The following SORBS2 variants were observed in gnomAD, a reference collection of about 807,000 sequenced individuals.
SORBS2 encodes sorbin and SH3 domain containing 2.
In SORBS2, 46 loss-of-function variants were observed where a neutral mutation model predicts 97.7. The ratio of observed to expected loss-of-function variants is 0.47; its 90% CI spans 0.37 to 0.60. The LOEUF is 0.60. Ranked by LOEUF, SORBS2 falls within the 20% of genes least tolerant of loss-of-function variation. SORBS2 has a pLI of 0.00. For missense variants in SORBS2, 1,316 were observed against 1,282.3 expected (o/e 1.03, Z -0.40); for synonymous variants, 476 against 473.4 (o/e 1.01, Z -0.07).
chr4:185,623,768 G>A lies in SORBS2; in HGVS notation c.1361C>T (p.Ser454Phe), dbSNP rs79568390. Reference sequence around the variant, plus strand: ...TTCTTCCTCCAGCAAATACTCAATGGAAAACCGCCTCTTGGGACATAGGCC... The same window carrying A: ...TTCTTCCTCCAGCAAATACTCAATGAAAAACCGCCTCTTGGGACATAGGCC... The change falls in exon 7 of 15, where the codon TCC becomes TTC. Residue 454 changes from serine (S) to phenylalanine (F), a missense_variant. By Grantham distance (155) the Ser-to-Phe change is radical. Coordinates refer to ENST00000418609, the Ensembl canonical transcript of SORBS2. The surrounding 1 kb of genome is among the most constrained non-coding windows in gnomAD (Gnocchi z 6.4). 4 of 1,614,188 alleles carry A rather than the reference G, an allele frequency of 2.5e-6. No individual in the cohort carries two copies. The highest frequency in any genetic ancestry group is 3.4e-6 in the Non-Finnish European group (4 of 1,180,040).
chr4:185,820,985 C>T (rs2099196461), intron 1 of SORBS2, among the ~76,000 whole-genome samples: 1 of 152,146 alleles, frequency 6.6e-6, no homozygotes, highest in Admixed American at 6.5e-5. Context: ...TGATTCAATC[C>T]GACAAACATT....
At chr4:185,665,937 G>C in intron 4 of SORBS2, 7 of 1,227,636 alleles carry the variant, frequency 5.7e-6, no homozygotes, top group Non-Finnish European at 7.3e-6. Context: ...CTGTGTCGTG[G>C]CTGTGGATGA....
intron 1 of SORBS2, among the ~76,000 whole-genome samples, chr4:185,655,090 C>T (rs553888977): frequency 8.5e-5 from 13 of 152,214 alleles, no homozygotes; most frequent in East Asian, 7.7e-4. Context: ...TGAGCCCTGG[C>T]GATTTTTGTT....
intron 1 of SORBS2, among the ~76,000 whole-genome samples, chr4:185,899,791 G>A (rs1036339975): frequency 9.2e-5 from 14 of 152,174 alleles, no homozygotes; most frequent in African/African-American, 2.2e-4. Context: ...TTCAGGCTTC[G>A]CACGTTCTTT....
At chr4:185,833,914 C>T (rs1293819408) in intron 1 of SORBS2, among the ~76,000 whole-genome samples, 1 of 152,150 alleles carries the variant, frequency 6.6e-6, no homozygotes, top group Non-Finnish European at 1.5e-5. Context: ...CCTCATTGGA[C>T]TGACAGCTCC....
At chr4:185,592,686 G>C (rs1409415329) in intron 13 of SORBS2, 1 of 153,124 alleles carries the variant, frequency 6.5e-6, no homozygotes, top group Admixed American at 6.5e-5. Flanking sequence ...CTACTAAGCA[G>C]CTGGGACTAC....
At chr4:185,740,143 T>C (rs1257952176) in intron 2 of SORBS2, 1 of 152,610 alleles carries the variant, frequency 6.6e-6, no homozygotes, top group Non-Finnish European at 1.5e-5. Flanking sequence ...GTATCAGTGC[T>C]ATAAAAAATA....
At chr4:185,892,055 G>A (rs760063185) in intron 1 of SORBS2, among the ~76,000 whole-genome samples, 7 of 152,030 alleles carry the variant, frequency 4.6e-5, no homozygotes, top group East Asian at 1.9e-4. Context: ...GGATGGTCTC[G>A]ATCTCCTGAC....
chr4:185,860,455 G>A (rs931942818), intron 1 of SORBS2, among the ~76,000 whole-genome samples: 4 of 152,218 alleles, frequency 2.6e-5, no homozygotes, highest in Admixed American at 1.3e-4. Flanking sequence ...TGGCACTCAC[G>A]CTGAAGCCCC....
chr4:185,722,825 G>C (rs554295224), intron 2 of SORBS2, among the ~76,000 whole-genome samples: 149 of 152,246 alleles, frequency 9.8e-4, no homozygotes, highest in Non-Finnish European at 1.9e-3. Flanking sequence ...CCTACCCAAA[G>C]TGCCCAGGAA....
chr4:185,633,738 A>G (rs1431486744), intron 4 of SORBS2, among the ~76,000 whole-genome samples: 2 of 151,748 alleles, frequency 1.3e-5, no homozygotes, highest in African/African-American at 4.8e-5. Flanking sequence ...TTTTTCTGCC[A>G]CTATCTTACC....
intron 1 of SORBS2, among the ~76,000 whole-genome samples, chr4:185,900,894 A>G (rs1579384149): frequency 6.6e-6 from 1 of 152,198 alleles, no homozygotes; most frequent in Admixed American, 6.5e-5. Flanking sequence ...GATAGTCCAA[A>G]AGGCAGTGCA....
rs1335318565 is a variant in SORBS2, at chr4:185,720,992, T to C, written c.-197-42170A>G. Among the ~76,000 whole-genome samples, 3 of 152,044 alleles carry C rather than the reference T, an allele frequency of 2.0e-5. No homozygotes were observed. The East Asian group carries it at 5.8e-4, about 29-fold the overall frequency. ...ATGATACTAAAGTTCCTCATCCACC[T>C]GCCTCATGGGATTGCTCAGAGGATA... On this transcript the variant is annotated intron_variant, in intron 2 of 20. Transcript: ENST00000284776.
At chr4:185,903,385 T>A (rs1039716573) in intron 1 of SORBS2, among the ~76,000 whole-genome samples, 1 of 152,200 alleles carries the variant, frequency 6.6e-6, no homozygotes, top group Non-Finnish European at 1.5e-5. Context: ...AATATCATCA[T>A]GATTCATACA....
At chr4:185,849,008 G>T (rs2099216250) in intron 1 of SORBS2, among the ~76,000 whole-genome samples, 1 of 152,176 alleles carries the variant, frequency 6.6e-6, no homozygotes, top group Admixed American at 6.5e-5. Flanking sequence ...ACAGGGACTT[G>T]ACAGCTGCTA....
At chr4:185,895,473 C>T (rs879694435) in intron 1 of SORBS2, among the ~76,000 whole-genome samples, 2 of 152,218 alleles carry the variant, frequency 1.3e-5, no homozygotes, top group Admixed American at 1.3e-4. Context: ...AAAGTGGCAG[C>T]GGCGTGAGCA....
At position 185,883,119 on chromosome 4, in the gene SORBS2, A is replaced by G. The variant is rs189537679; in HGVS notation, c.-338+73077T>C. On this transcript the variant is annotated intron_variant, in intron 1 of 20. Coordinates refer to the SORBS2 transcript ENST00000284776. ...ATACTGCTAAGAGAATAGAAAGGCA[A>G]GCCACAGACAGGGAAAAATTTTTGC... Among the ~76,000 whole-genome samples the G allele has an allele frequency of 2.2e-4, 33 of 152,302 alleles. No homozygotes were observed. The East Asian group carries it at 6.0e-3, about 28-fold the overall frequency.
chr4:185,620,046 G>C lies in SORBS2; in HGVS notation c.2304+17C>G. 6.8e-7 allele frequency: 1 copy of C among 1,477,854 alleles called. No individual in the cohort carries two copies. The highest frequency in any genetic ancestry group is 9.5e-7 in the Non-Finnish European group (1 of 1,055,440). The allele number at this position is 1,477,854 out of a possible 1,614,324, so 91.5% of individuals were successfully genotyped here. A position where few individuals can be genotyped will look rare whatever the true frequency, so the allele number is the denominator to read the frequency against. ...GTGTGTTGCTGTGAAAGACTCCAAT[G>C]CTATTAAATTAACTACCTCTTTTTC... is the stretch of plus-strand genomic sequence containing the variant. On this transcript the variant is annotated intron_variant, in intron 8 of 14. Transcript: ENST00000418609.
chr4:185,893,179 G>A (rs1037680110), intron 1 of SORBS2, among the ~76,000 whole-genome samples: 10 of 152,178 alleles, frequency 6.6e-5, no homozygotes, highest in Non-Finnish European at 1.3e-4. Flanking sequence ...GAATGAGGAG[G>A]AAGAAAGAAG....
Sources: gnomAD v4.1 joint callset for allele counts (sites outside exome capture counted in the v4.1 genomes callset) on GRCh38, gnomAD v4.1.1 for gene constraint, Gnocchi (gnomAD v3.1) non-coding constraint, MANE v1.5 for transcripts, NCBI Gene and HGNC (gene_info 2026-07-23, HGNC 2026-07-21) for gene names.